HMCN1: variants seen among roughly 807,000 people sequenced by gnomAD.
HMCN1 encodes hemicentin-1.
A neutral mutation model predicts 625.9 loss-of-function variants in HMCN1; 321 were observed. The ratio of observed to expected loss-of-function variants is 0.51; its 90% CI spans 0.47 to 0.56. The LOEUF (loss-of-function observed/expected upper bound fraction) is 0.56, where lower values mean the gene tolerates loss of function less well. Among genes scored for constraint, HMCN1 ranks in the 20% least tolerant of loss-of-function variants. HMCN1 has a pLI of 0.00. For synonymous variants in HMCN1, 2,425 were observed against 2,417.6 expected, an observed-to-expected ratio of 1.00 and a Z score of -0.09; for missense variants, 6,588 against 6,887.3, an observed-to-expected ratio of 0.96 and a Z score of 1.54.
At chr1:185,810,212 A>C (rs1387279813) in intron 1 of HMCN1, among the ~76,000 whole-genome samples, 1 of 152,074 alleles carries the variant, frequency 6.6e-6, no homozygotes, top group Non-Finnish European at 1.5e-5. Flanking sequence ...TTCATCTGTC[A>C]TTTTTTCCAT....
chr1:185,876,985 A>G (rs2102381608), intron 4 of HMCN1, among the ~76,000 whole-genome samples: 1 of 152,094 alleles, frequency 6.6e-6, no homozygotes, highest in East Asian at 1.9e-4. Context: ...CTTTGCCTAG[A>G]TCAAGGTTTA....
Position 185,977,990 on chromosome 1 carries a change from A to G in HMCN1, c.2566+9A>G. 3.2e-6 allele frequency: 5 copies of G among 1,579,854 alleles called. No individual in the cohort carries two copies. The highest frequency in any genetic ancestry group is 4.4e-6 in the Non-Finnish European group (5 of 1,149,368). Reference sequence around the variant, plus strand: ...AGCTCTCTTTATTTTAAGTAGGTTGAAGGAAATATATTTTGTACGAATATG... The same window carrying G: ...AGCTCTCTTTATTTTAAGTAGGTTGGAGGAAATATATTTTGTACGAATATG... On this transcript the variant is annotated intron_variant, in intron 16 of 106. Coordinates refer to ENST00000271588, the MANE Select transcript of HMCN1 (RefSeq NM_031935.3).
rs1370714470 is a variant in HMCN1 at position 186,039,738 on chromosome 1, A to G, written c.6039A>G (p.Ser2013=). Residue 2013 remains serine (S), a synonymous_variant, in exon 39 of 107, where the codon TCA becomes TCG. Coordinates refer to ENST00000271588, the MANE Select transcript of HMCN1 (RefSeq NM_031935.3). ...FYSLQVHVAP[S]ISGSNNMVAV... ...ATTTGTTTTTTTCAGTGGCCCCATC[A>G]ATTTCTGGCAGCAATAACATGGTGG... 4.3e-6 allele frequency: 7 copies of G among 1,613,468 alleles called. No individual in the cohort carries two copies. Among genetic ancestry groups the G allele is most frequent in the African/African-American group, 1.3e-5 (1 of 75,004 alleles).
chr1:185,912,918 G>A (rs1666509648), intron 6 of HMCN1, among the ~76,000 whole-genome samples: 1 of 151,970 alleles, frequency 6.6e-6, no homozygotes, highest in Non-Finnish European at 1.5e-5. Flanking sequence ...ATAAAAAATG[G>A]AATTAATGGG....
At chr1:185,829,191 G>A (rs957853253) in intron 1 of HMCN1, among the ~76,000 whole-genome samples, 2 of 151,816 alleles carry the variant, frequency 1.3e-5, no homozygotes, top group Non-Finnish European at 2.9e-5. Flanking sequence ...TGAGAGAGAT[G>A]ATTTTCTAAA....
chr1:185,829,011 GAAACT>G (rs1660693428), intron 1 of HMCN1, among the ~76,000 whole-genome samples: 1 of 152,062 alleles, frequency 6.6e-6, no homozygotes, highest in South Asian at 2.1e-4. Context: ...TCTTCTTTGG[GAAACT>G]AAACTATTAG....
At chr1:185,835,369 A>G (rs886961265) in intron 1 of HMCN1, among the ~76,000 whole-genome samples, 2 of 145,546 alleles carry the variant, frequency 1.4e-5, no homozygotes, top group African/African-American at 5.0e-5. Context: ...GCCACAGCTC[A>G]TTGGTATTTG....
intron 6 of HMCN1, 61 bp downstream of exon 6, chr1:185,911,841 G>C: frequency 8.0e-7 from 1 of 1,242,798 alleles, no homozygotes; most frequent in South Asian, 1.2e-5. Flanking sequence ...TTTTCATGAA[G>C]TATACACAAT....
intron 55 of HMCN1, among the ~76,000 whole-genome samples, chr1:186,080,579 A>T (rs1240798565): frequency 1.3e-5 from 2 of 152,190 alleles, no homozygotes; most frequent in Admixed American, 1.3e-4. Context: ...GCATACATAA[A>T]GATCACCTGA....
At position 186,178,585 on chromosome 1, in the gene HMCN1, C is replaced by T. The variant is rs763524888; in HGVS notation, c.16113C>T (p.Asn5371=). The change falls in exon 104 of 107, where the codon AAC becomes AAT. Residue 5371 remains asparagine, a synonymous_variant. Coordinates refer to ENST00000271588, the MANE Select transcript of HMCN1 (RefSeq NM_031935.3). The part of the protein sequence containing the change: ...PNYGTQYSSY[N]LARFSPVRNN... ...ATGGCACTCAATACAGTAGCTATAA[C>T]CTTGCACGGTTCTCCCCTGTGAGAA... is the stretch of plus-strand genomic sequence containing the variant. 2 of 1,614,140 alleles carry T rather than the reference C, an allele frequency of 1.2e-6. No individual in the cohort carries two copies. Among genetic ancestry groups the T allele is most frequent in the East Asian group, 2.2e-5 (1 of 44,874 alleles).
At chr1:185,999,403 T>C (rs1653024240) in intron 25 of HMCN1, among the ~76,000 whole-genome samples, 1 of 152,082 alleles carries the variant, frequency 6.6e-6, no homozygotes, top group Non-Finnish European at 1.5e-5. Context: ...TCATTTTTTT[T>C]CTCCAAGAGT....
chr1:186,079,106 CTCA>C lies in HMCN1; in HGVS notation c.8599+890_8599+892del. Among the ~76,000 whole-genome samples the C allele has an allele frequency of 8.1e-5, 2 of 24,654 alleles. 1 individual carries two copies. The highest frequency in any genetic ancestry group is 1.0e-3 in the Admixed American group (2 of 1,964). 16.2% of individuals were successfully genotyped at this position (24,654 alleles called of 152,430 possible). A position where few individuals can be genotyped will look rare whatever the true frequency, so the allele number is the denominator to read the frequency against. On this transcript the variant is annotated intron_variant, in intron 55 of 106. Transcript: ENST00000271588. Reference sequence around the variant, plus strand: ...AGCTCTAGTTGTGTTTAGCAGCTCTCTCATCAGCAGCTCTCTCATCAGCAGCTC... The same window carrying C: ...AGCTCTAGTTGTGTTTAGCAGCTCTCTCAGCAGCTCTCTCATCAGCAGCTC...
intron 10 of HMCN1, among the ~76,000 whole-genome samples, 198 bp from the exon 11 acceptor site, chr1:185,933,351 T>G (rs1667648665): frequency 6.6e-6 from 1 of 152,174 alleles, no homozygotes; most frequent in Admixed American, 6.6e-5. Flanking sequence ...TATGTAAATG[T>G]GTACTACTTT....
Position 186,087,201 on chromosome 1 carries a change from TTC to T in HMCN1, c.9047-14_9047-13del. Reference sequence around the variant, plus strand: ...CCTGTATACCACTCTACAATTTGCATTCTATTTACCTACAGGTGGTCGAACTC... The same window carrying T: ...CCTGTATACCACTCTACAATTTGCATTATTTACCTACAGGTGGTCGAACTC... On this transcript the variant is annotated splice_polypyrimidine_tract_variant and intron_variant, in intron 58 of 106. Coordinates refer to ENST00000271588, the MANE Select transcript of HMCN1 (RefSeq NM_031935.3). The T allele has an allele frequency of 6.5e-7, 1 of 1,533,586 alleles. No homozygotes were observed. The highest frequency in any genetic ancestry group is 9.0e-7 in the Non-Finnish European group (1 of 1,107,204). 95.0% of individuals were successfully genotyped at this position (1,533,586 alleles called of 1,614,324 possible).
chr1:186,062,056 C>A, intron 47 of HMCN1, 92 bp downstream of exon 47: 2 of 773,922 alleles, frequency 2.6e-6, no homozygotes. Context: ...TGATCTCATA[C>A]CTGTGTTATT....
chr1:185,902,405 C>CTATATCTA (rs903275348), intron 4 of HMCN1, among the ~76,000 whole-genome samples: 1 of 145,358 alleles, frequency 6.9e-6, no homozygotes, highest in South Asian at 2.2e-4. Flanking sequence ...ATCTATCTAT[C>CTATATCTA]TCTATCTATC....
chr1:186,108,388 A>G (rs752646559), intron 70 of HMCN1, 73 bp from the exon 71 acceptor site: 13 of 1,607,872 alleles, frequency 8.1e-6, no homozygotes, highest in Non-Finnish European at 9.4e-6. Context: ...ATTATTTCAT[A>G]TAGCAGAACC....
Position 186,117,441 on chromosome 1 carries a change from T to C in HMCN1, c.11684-18T>C. 6.2e-7 allele frequency: 1 copy of C among 1,612,298 alleles called. No individual in the cohort carries two copies. The highest frequency in any genetic ancestry group is 8.5e-7 in the Non-Finnish European group (1 of 1,178,770). On this transcript the variant is annotated intron_variant, in intron 76 of 106. Coordinates refer to ENST00000271588, the MANE Select transcript of HMCN1 (RefSeq NM_031935.3). ...AAATGTGTAGTTTTTTCCCTTTTTG[T>C]TGTTGTTGTTGTTTTAGTTCCACCT...
At position 186,136,945 on chromosome 1, in the gene HMCN1, T is replaced by A; in HGVS notation, c.13582+8T>A. 1 of 1,612,754 alleles carries A rather than the reference T, an allele frequency of 6.2e-7. No homozygotes were observed. On this transcript the variant is annotated splice_region_variant and intron_variant, in intron 87 of 106. Coordinates refer to ENST00000271588, the MANE Select transcript of HMCN1 (RefSeq NM_031935.3). ...TGCCAGTCATAGTCCAGGGTGAGTGTGATCAGAGGAATATTCATAGTAAAC... is the reference window on the plus strand; with the variant it reads ...TGCCAGTCATAGTCCAGGGTGAGTGAGATCAGAGGAATATTCATAGTAAAC...
Sources: gnomAD v4.1 joint callset for allele counts (sites outside exome capture counted in the v4.1 genomes callset) on GRCh38, gnomAD v4.1.1 for gene constraint, MANE v1.5 for transcripts, NCBI Gene and HGNC (gene_info 2026-07-23, HGNC 2026-07-21) for gene names.